Variants in RALGDS observed in about 807,000 individuals in gnomAD.
RALGDS encodes ral guanine nucleotide exchange factor.
In RALGDS, 44 loss-of-function variants were observed where a neutral mutation model predicts 99.8. The observed-to-expected ratio is 0.44, with a 90% CI of 0.35 to 0.57. RALGDS has a LOEUF of 0.57. Ranked by LOEUF, RALGDS falls within the 20% of genes least tolerant of loss-of-function variation. The pLI is 0.01. For synonymous variants in RALGDS, 529 were observed against 505.0 expected (o/e 1.05, Z -0.64); for missense variants, 1,022 against 1,203.1 (o/e 0.85, Z 2.23).
In RALGDS at chr9:133,120,986, G is replaced by A. The variant is rs1180544386; in HGVS notation, c.169C>T (p.Leu57=). 2.0e-5 allele frequency: 30 copies of A among 1,486,526 alleles called. No homozygotes were observed. The highest frequency in any genetic ancestry group is 2.6e-5 in the Non-Finnish European group (29 of 1,124,704). The allele number at this position is 1,486,526 out of a possible 1,614,324, so 92.1% of individuals were successfully genotyped here. A position where few individuals can be genotyped will look rare whatever the true frequency, so the allele number is the denominator to read the frequency against. The change falls in exon 1 of 18, where the codon CTG becomes TTG. Residue 57 remains leucine, a synonymous_variant. Transcript: ENST00000372050. ...LHSFTQLDPD[L]PRPESSTQEI... ...AGCTCACCCACCTCCGGGCGCGGCA[G>A]GTCGGGGTCTAGCTGCGTGAAGCTG...
chr9:133,129,613 A>G (rs1371215728), intron 1 of RALGDS, among the ~76,000 whole-genome samples: 1 of 152,118 alleles, frequency 6.6e-6, no homozygotes. Flanking sequence ...ACCACCACAC[A>G]GAGCCAGAAA....
rs1468192928 is a variant in RALGDS, at chr9:133,108,687, T to A, written c.764A>T (p.Glu255Val). ...GTCCTCCTCACCCTCAGGCTCTGCCTCAATGGGTTCCGAGTGCTCCAGCTG... is the reference window on the plus strand; with the variant it reads ...GTCCTCCTCACCCTCAGGCTCTGCCACAATGGGTTCCGAGTGCTCCAGCTG... Reference protein sequence around the residue: ...LAQLEHSEPIEAEPEALSPVP... With the variant: ...LAQLEHSEPIVAEPEALSPVP... The change falls in exon 5 of 18, where the codon GAG becomes GTG. Residue 255 changes from glutamate to valine, a missense_variant. By Grantham distance (121) the Glu-to-Val change is moderately radical (BLOSUM62 -2). Coordinates refer to ENST00000372050, the MANE Select transcript of RALGDS (RefSeq NM_006266.4). 1 of 1,613,550 alleles carries A rather than the reference T, an allele frequency of 6.2e-7. No individual in the cohort carries two copies. The highest frequency in any genetic ancestry group is 1.7e-5 in the Admixed American group (1 of 60,010).
intron 1 of RALGDS, among the ~76,000 whole-genome samples, chr9:133,112,595 C>T (rs1054674469): frequency 5.3e-5 from 8 of 152,146 alleles, no homozygotes; most frequent in South Asian, 2.1e-4. Flanking sequence ...TGCATCCAGG[C>T]GGCTATGCCC....
chr9:133,124,836 C>G (rs1475611513), upstream of RALGDS, among the ~76,000 whole-genome samples: 1 of 152,236 alleles, frequency 6.6e-6, no homozygotes, highest in Non-Finnish European at 1.5e-5. Context: ...CGTGTGTCAC[C>G]AGTGGAGGAA....
chr9:133,130,807 GAA>G lies in RALGDS; in HGVS notation c.132+143_132+144del, dbSNP rs1832313063. On this transcript the variant is annotated intron_variant, in intron 1 of 17. Transcript: ENST00000372062. ...CAGGGACTTGCCCAAGATCTCACAG[GAA>G]AAGTGTCTGTCCAGCTGCTCTGCAA... The G allele has an allele frequency of 6.5e-6, 5 of 774,440 alleles. No individual in the cohort carries two copies. In the South Asian group the frequency reaches 9.0e-5, roughly 14 times the overall value. 48.0% of individuals were successfully genotyped at this position (774,440 alleles called of 1,614,324 possible).
intron 1 of RALGDS, among the ~76,000 whole-genome samples, chr9:133,117,839 C>T (rs1442869376): frequency 6.6e-6 from 1 of 152,248 alleles, no homozygotes; most frequent in African/African-American, 2.4e-5. Context: ...CTTCCTGAAA[C>T]CGCTCCACTG....
upstream of RALGDS, among the ~76,000 whole-genome samples, chr9:133,124,159 C>A (rs2119229319): frequency 6.7e-6 from 1 of 148,694 alleles, no homozygotes; most frequent in Admixed American, 6.7e-5. Flanking sequence ...GAGACACATA[C>A]ATAGAGACAG....
At chr9:133,148,896 G>A (rs994759736) in intron 1 of RALGDS, 31 of 1,563,904 alleles carry the variant, frequency 2.0e-5, no homozygotes, top group South Asian at 1.2e-5. Context: ...CCCCCCGGTG[G>A]GTGTGGGCTG....
intron 9 of RALGDS, 165 bp from the exon 10 acceptor site, chr9:133,104,496 C>G (rs541572332): frequency 7.6e-6 from 5 of 661,504 alleles, no homozygotes; most frequent in African/African-American, 7.1e-5. Context: ...GCCTGCCTCC[C>G]CCTCTGGAAA....
At position 133,108,570 on chromosome 9, in the gene RALGDS, C is replaced by T; in HGVS notation, c.778+103G>A. 2.7e-6 allele frequency: 4 copies of T among 1,481,688 alleles called. No homozygotes were observed. In the South Asian group the frequency reaches 3.6e-5, roughly 13 times the overall value. 91.8% of individuals were successfully genotyped at this position (1,481,688 alleles called of 1,614,324 possible). ...CCTGCCTGTGTGGTCTGAGGCTCAT[C>T]TGGGCCCCTGACCCAGCACCAGACC... On this transcript the variant is annotated intron_variant, in intron 5 of 17. Transcript: ENST00000372050.
At chr9:133,106,810 G>A in intron 7 of RALGDS, 62 bp from the exon 8 acceptor site, 1 of 1,330,312 alleles carries the variant, frequency 7.5e-7, no homozygotes, top group Non-Finnish European at 1.1e-6. Context: ...CCTGGCCTCA[G>A]TCCCCCTTGG....
At chr9:133,134,071 A>G (rs1457962799), upstream of RALGDS, among the ~76,000 whole-genome samples, 1 of 151,858 alleles carries the variant, frequency 6.6e-6, no homozygotes, top group African/African-American at 2.4e-5. Context: ...AGCTGGGGGG[A>G]CACTCCAGCT....
intron 1 of RALGDS, among the ~76,000 whole-genome samples, 194 bp downstream of exon 1, chr9:133,120,778 G>A (rs1831890749): frequency 6.6e-6 from 1 of 152,062 alleles, no homozygotes; most frequent in Admixed American, 6.5e-5. Context: ...ACGGGGCGCG[G>A]CGGCAGCCCC....
intron 1 of RALGDS, among the ~76,000 whole-genome samples, chr9:133,146,650 C>G (rs960093454): frequency 1.3e-5 from 2 of 152,234 alleles, no homozygotes; most frequent in Non-Finnish European, 2.9e-5. Flanking sequence ...TTCTCACCAA[C>G]AGAACACAGC....
In RALGDS at chr9:133,106,490, G is replaced by A. The variant is rs542411290; in HGVS notation, c.1517+155C>T. Among the ~76,000 whole-genome samples the A allele has an allele frequency of 6.5e-3, 996 of 152,290 alleles. 14 individuals carry two copies. The highest frequency in any genetic ancestry group is 0.023 in the African/African-American group (940 of 41,560). On this transcript the variant is annotated intron_variant, in intron 8 of 17. Coordinates refer to ENST00000372050, the MANE Select transcript of RALGDS (RefSeq NM_006266.4). ...CTCAACCCACCATCTGACAGCTTAGGAAGCCGAGCTCTGAGGCAGAGCTGC... is the reference window on the plus strand; with the variant it reads ...CTCAACCCACCATCTGACAGCTTAGAAAGCCGAGCTCTGAGGCAGAGCTGC...
In RALGDS at chr9:133,098,686, C is replaced by A; in HGVS notation, c.2646G>T (p.Lys882Asn). Residue 882 changes from lysine to asparagine, a missense_variant, in exon 18 of 18, where the codon AAG becomes AAT. Lys to Asn is a moderately conservative substitution (Grantham distance 94, BLOSUM62 0). Transcript: ENST00000372050. Reference protein sequence around the residue: ...STANYDFVLKKRTFTKGVKVK... With the variant: ...STANYDFVLKNRTFTKGVKVK... The stretch of plus-strand genomic sequence containing the variant: ...CCTTCACTCCCTTGGTGAAGGTCCG[C>A]TTCTTGAGGACAAAGTCATAGTTGG... The A allele has an allele frequency of 6.2e-7, 1 of 1,614,094 alleles. No homozygotes were observed. The highest frequency in any genetic ancestry group is 8.5e-7 in the Non-Finnish European group (1 of 1,179,986).
chr9:133,139,633 C>G (rs541587438), intron 1 of RALGDS, among the ~76,000 whole-genome samples: 10 of 152,312 alleles, frequency 6.6e-5, no homozygotes, highest in African/African-American at 2.4e-4. Context: ...AACTTACTCG[C>G]CTCCTCGGGG....
intron 1 of RALGDS, among the ~76,000 whole-genome samples, chr9:133,142,887 C>T (rs1832548212): frequency 6.6e-6 from 1 of 152,228 alleles, no homozygotes; most frequent in Non-Finnish European, 1.5e-5. Flanking sequence ...GGAATGTGGT[C>T]CTGGTGCCTG....
In RALGDS at chr9:133,109,608, G is replaced by T; in HGVS notation, c.584+18C>A. On this transcript the variant is annotated intron_variant, in intron 4 of 17. Coordinates refer to ENST00000372050, the MANE Select transcript of RALGDS (RefSeq NM_006266.4). ...GGTGGGGACAGGGTCCCTTCCTCTTGGCTCAAAGCTCACTCACTTTTTAAG... is the reference window on the plus strand; with the variant it reads ...GGTGGGGACAGGGTCCCTTCCTCTTTGCTCAAAGCTCACTCACTTTTTAAG... The T allele has an allele frequency of 6.3e-7, 1 of 1,597,402 alleles. No individual in the cohort carries two copies. Among genetic ancestry groups the T allele is most frequent in the Non-Finnish European group, 8.6e-7 (1 of 1,165,008 alleles).
Sources: allele counts gnomAD v4.1 joint callset (sites outside exome capture counted in the v4.1 genomes callset), GRCh38; gene constraint gnomAD v4.1.1; transcripts MANE v1.5; gene names NCBI Gene and HGNC (gene_info 2026-07-23, HGNC 2026-07-21).